NDUFS1: variants seen among roughly 807,000 people sequenced by gnomAD.
NDUFS1 encodes NADH-ubiquinone oxidoreductase 75 kDa subunit, mitochondrial.
Under a neutral mutation model 84.4 loss-of-function variants are expected in NDUFS1, and 61 were observed. The ratio of observed to expected loss-of-function variants is 0.72; its 90% CI spans 0.59 to 0.89. NDUFS1 has a LOEUF of 0.89. NDUFS1 is among the 40% of genes least tolerant of loss of function. The pLI is 0.00. For missense variants in NDUFS1, 891 were observed against 890.0 expected (o/e 1.00, Z -0.01); for synonymous variants, 275 against 290.0 (o/e 0.95, Z 0.53).
At chr2:206,140,547 C>A (rs573976364) in intron 12 of NDUFS1, among the ~76,000 whole-genome samples, 2 of 152,230 alleles carry the variant, frequency 1.3e-5, no homozygotes, top group South Asian at 2.1e-4. Flanking sequence ...GTGGCATGAT[C>A]TTGGCTCACC....
intron 1 of NDUFS1, among the ~76,000 whole-genome samples, chr2:206,155,882 GT>G (rs375807387): frequency 1.2e-3 from 171 of 145,574 alleles, no homozygotes; most frequent in African/African-American, 3.0e-3. Flanking sequence ...AACTTTTTGA[GT>G]TTTTTTTTTT....
chr2:206,133,142 T>C (rs778774127), intron 13 of NDUFS1, 37 bp from the exon 14 acceptor site: 2 of 1,528,668 alleles, frequency 1.3e-6, no homozygotes, highest in South Asian at 1.2e-5. Flanking sequence ...TTTTAAAATA[T>C]TACAAGTAAG....
rs1368383391 is a variant in NDUFS1, at chr2:206,121,558, T to G, written c.*2627A>C. The G allele has an allele frequency of 6.6e-6, 1 of 152,154 alleles. No individual in the cohort carries two copies. The highest frequency in any genetic ancestry group is 1.9e-4 in the East Asian group (1 of 5,184). 9.4% of individuals were successfully genotyped at this position (152,154 alleles called of 1,614,324 possible). On this transcript the variant is annotated 3_prime_UTR_variant, in exon 19 of 19. Transcript: ENST00000233190. ...CCGCCTTGACTCTCAGTTCAAGCGA[T>G]TTTCCTGCTTCAGCCTCCCCAGTAG...
rs77118708 is a variant in NDUFS1 at position 206,127,875 on chromosome 2, T to C, written c.1806A>G (p.Arg602=). ...TCACTGCTACCTTAGTCTGCTGAGC[T>C]CTACCCTCAGTGTTGACATATGTAG... ...KSATYVNTEG[R]AQQTKVAVTP... The change falls in exon 16 of 19, where the codon AGA becomes AGG. Residue 602 remains arginine, a synonymous_variant. Transcript: ENST00000233190. 1.3e-5 allele frequency: 21 copies of C among 1,614,152 alleles called. No individual in the cohort carries two copies. The East Asian group carries it at 4.7e-4, about 36-fold the overall frequency.
chr2:206,127,807 G>A lies in NDUFS1; in HGVS notation c.1874C>T (p.Ala625Val). 2 of 1,614,002 alleles carry A rather than the reference G, an allele frequency of 1.2e-6. No homozygotes were observed. The highest frequency in any genetic ancestry group is 1.7e-6 in the Non-Finnish European group (2 of 1,179,944). Residue 625 changes from alanine (A) to valine (V), a missense_variant, in exon 16 of 19, where the codon GCA becomes GTA. By Grantham distance (64) the Ala-to-Val change is moderately conservative. Coordinates refer to ENST00000233190, the MANE Select transcript of NDUFS1 (RefSeq NM_005006.7). ...LAREDWKIIRALSEIAGMTLP... is the reference protein window; with the variant it reads ...LAREDWKIIRVLSEIAGMTLP... ...ACTCAGAAATTATACCTCAGAGAGT[G>A]CTCTTATAATTTTCCAGTCTTCTCT...
At chr2:206,148,744 T>C (rs1019262433) in intron 5 of NDUFS1, among the ~76,000 whole-genome samples, 7 of 152,196 alleles carry the variant, frequency 4.6e-5, no homozygotes, top group Admixed American at 1.3e-4. Flanking sequence ...CAGTATAGTA[T>C]AGTAGTAGCT....
chr2:206,153,976 G>C (rs1162079929), intron 1 of NDUFS1, among the ~76,000 whole-genome samples: 13 of 152,152 alleles, frequency 8.5e-5, no homozygotes, highest in Admixed American at 8.5e-4. Flanking sequence ...CAAACTTAAA[G>C]CACTACCACA....
chr2:206,133,301 T>C (rs1475126791), intron 13 of NDUFS1, among the ~76,000 whole-genome samples, 196 bp from the exon 14 acceptor site: 1 of 152,198 alleles, frequency 6.6e-6, no homozygotes, highest in African/African-American at 2.4e-5. Flanking sequence ...AATGCTACTG[T>C]GAAATATGCC....
Position 206,146,907 on chromosome 2 carries a change from T to C in NDUFS1, c.733A>G (p.Thr245Ala), listed in dbSNP as rs1439057567. The change falls in exon 8 of 19, where the codon ACA (threonine) becomes GCA (alanine). Residue 245 changes from threonine to alanine, a missense_variant. By Grantham distance (58) the Thr-to-Ala change is moderately conservative. Transcript: ENST00000233190. ...TTGTCATAAAATAAAAGATACCTTG[T>C]TTCCCAAGGCCGGGCAGTAAAGGCA... is the stretch of plus-strand genomic sequence containing the variant. ...PYAFTARPWE[T>A]RKTESIDVMD... 6.2e-7 allele frequency: 1 copy of C among 1,613,616 alleles called. No individual in the cohort carries two copies. Among genetic ancestry groups the C allele is most frequent in the Admixed American group, 1.7e-5 (1 of 60,000 alleles).
chr2:206,141,938 A>C lies in NDUFS1; in HGVS notation c.1262+3T>G. 1 of 1,610,528 alleles carries C rather than the reference A, an allele frequency of 6.2e-7. No individual in the cohort carries two copies. Among genetic ancestry groups the C allele is most frequent in the Non-Finnish European group, 8.5e-7 (1 of 1,176,974 alleles). ...TAAACCTTGAATAAATACTATTACC[A>C]ACCTCTTTCGAATTCTAGCATTAAA... On this transcript the variant is annotated splice_donor_region_variant and intron_variant, in intron 12 of 18. Transcript: ENST00000233190.
Position 206,145,022 on chromosome 2 carries a change from T to C in NDUFS1, c.742A>G (p.Thr248Ala). 1 of 1,613,802 alleles carries C rather than the reference T, an allele frequency of 6.2e-7. No individual in the cohort carries two copies. The highest frequency in any genetic ancestry group is 8.5e-7 in the Non-Finnish European group (1 of 1,179,870). ...GCATCCATTACATCAATGGATTCTG[T>C]CTTTCTGAGAAACACATACGGTGTT... ...FTARPWETRK[T>A]ESIDVMDAVG... is the part of the protein sequence containing the mutation. The change falls in exon 9 of 19, where the codon ACA (threonine) becomes GCA (alanine). Residue 248 changes from threonine to alanine, a missense_variant. By Grantham distance (58) the Thr-to-Ala change is moderately conservative. Coordinates refer to ENST00000233190, the MANE Select transcript of NDUFS1 (RefSeq NM_005006.7).
At position 206,124,307 on chromosome 2, in the gene NDUFS1, T is replaced by C. The variant is rs200169743; in HGVS notation, c.2093-31A>G. The C allele has an allele frequency of 1.4e-4, 211 of 1,531,456 alleles. No individual in the cohort carries two copies. In the African/African-American group the frequency reaches 2.3e-3, roughly 17 times the overall value. The allele number at this position is 1,531,456 out of a possible 1,614,324, so 94.9% of individuals were successfully genotyped here. A position where few individuals can be genotyped will look rare whatever the true frequency, so the allele number is the denominator to read the frequency against. ...AGATATTAAGAAAATGTCATTTTGA[T>C]AATACAACTTTTTAAAAAGCACATA... On this transcript the variant is annotated intron_variant, in intron 18 of 18. Coordinates refer to ENST00000233190, the MANE Select transcript of NDUFS1 (RefSeq NM_005006.7).
chr2:206,153,496 G>T (rs1032776413), intron 2 of NDUFS1, 122 bp downstream of exon 2: 1 of 658,782 alleles, frequency 1.5e-6, no homozygotes. Flanking sequence ...ACACCCGGCC[G>T]GTTTCTATTT....
rs973082513 is a variant in NDUFS1, at chr2:206,116,207, C to T, written c.*7978G>A. ...ACTCAGTGTCATCTTGATCAGCCAA[C>T]CATCTTCATAACGAGATTTGTTTAC... is the stretch of plus-strand genomic sequence containing the variant. On this transcript the variant is annotated 3_prime_UTR_variant, in exon 19 of 19. Transcript: ENST00000233190. 5.6e-6 allele frequency: 8 copies of T among 1,421,426 alleles called. No individual in the cohort carries two copies. The highest frequency in any genetic ancestry group is 1.4e-5 in the African/African-American group (1 of 71,478). 88.1% of individuals were successfully genotyped at this position (1,421,426 alleles called of 1,614,324 possible).
At chr2:206,134,875 G>A (rs1395110183) in intron 13 of NDUFS1, among the ~76,000 whole-genome samples, 1 of 152,094 alleles carries the variant, frequency 6.6e-6, no homozygotes, top group African/African-American at 2.4e-5. Flanking sequence ...TACAGGGGAG[G>A]CTTAGGTGGG....
At chr2:206,135,788 T>A (rs931947528) in intron 13 of NDUFS1, among the ~76,000 whole-genome samples, 6 of 152,154 alleles carry the variant, frequency 3.9e-5, no homozygotes, top group African/African-American at 1.2e-4. Flanking sequence ...CACGGAATAT[T>A]TTTTAATATT....
intron 2 of NDUFS1, among the ~76,000 whole-genome samples, chr2:206,153,157 A>T (rs1299734217): frequency 6.6e-6 from 1 of 150,384 alleles, no homozygotes; most frequent in Non-Finnish European, 1.5e-5. Context: ...AAGTAAAATT[A>T]TATTTTGAAA....
At chr2:206,159,300 G>A (rs928048612) in intron 1 of NDUFS1, 41 bp downstream of exon 1, 3 of 689,330 alleles carry the variant, frequency 4.4e-6, no homozygotes. Flanking sequence ...ATAAGCCTCT[G>A]GCCGACGCAC....
intron 9 of NDUFS1, among the ~76,000 whole-genome samples, chr2:206,144,478 GAGT>G (rs1421477775): frequency 6.6e-6 from 1 of 152,174 alleles, no homozygotes; most frequent in African/African-American, 2.4e-5. Context: ...TACAAAGCAT[GAGT>G]ATCTCTAAAT....
Sources: allele counts gnomAD v4.1 joint callset (sites outside exome capture counted in the v4.1 genomes callset), GRCh38; gene constraint gnomAD v4.1.1; transcripts MANE v1.5; gene names NCBI Gene and HGNC (gene_info 2026-07-23, HGNC 2026-07-21).